Variants in SENP3 observed in about 807,000 individuals in gnomAD.
SENP3 encodes the protein sentrin-specific protease 3.
In SENP3, 11 loss-of-function variants were observed where a neutral mutation model predicts 66.2. The observed-to-expected ratio is 0.17, with a 90% CI of 0.10 to 0.28. SENP3 has a LOEUF of 0.28. Among genes scored for constraint, SENP3 ranks in the 10% least tolerant of loss-of-function variants. The pLI, the probability that SENP3 is intolerant of heterozygous loss-of-function variation, is 1.00. For missense variants in SENP3, 548 were observed against 743.7 expected (o/e 0.74, Z 3.06); for synonymous variants, 292 against 277.6 (o/e 1.05, Z -0.52).
At position 7,565,730 on chromosome 17, in the gene SENP3, A is replaced by G; in HGVS notation, c.1229A>G (p.Tyr410Cys). 1 of 1,614,036 alleles carries G rather than the reference A, an allele frequency of 6.2e-7. No homozygotes were observed. The highest frequency in any genetic ancestry group is 8.5e-7 in the Non-Finnish European group (1 of 1,179,888). Reference protein sequence around the residue: ...NWLNDQVMNMYGDLVMDTVPE... With the variant: ...NWLNDQVMNMCGDLVMDTVPE... ...TCTTCTCCCCAGGTGATGAACATGTATGGAGACCTGGTCATGGACACAGTC... is the reference window on the plus strand; with the variant it reads ...TCTTCTCCCCAGGTGATGAACATGTGTGGAGACCTGGTCATGGACACAGTC... Residue 410 changes from tyrosine (Y) to cysteine (C), a missense_variant, in exon 6 of 11, where the codon TAT (tyrosine) becomes TGT (cysteine). Physicochemically the swap from Tyr to Cys is radical, Grantham distance 194. Coordinates refer to ENST00000321337, the MANE Select transcript of SENP3 (RefSeq NM_015670.6).
intron 4 of SENP3, 126 bp from the exon 5 acceptor site, chr17:7,565,314 C>T (rs2071259082): frequency 8.5e-7 from 1 of 1,176,164 alleles, no homozygotes. Context: ...CGCAGGTCCT[C>T]AGAAGGACCC....
intron 2 of SENP3, among the ~76,000 whole-genome samples, 152 bp downstream of exon 2, chr17:7,563,943 A>T (rs1334877237): frequency 6.6e-6 from 1 of 152,162 alleles, no homozygotes; most frequent in African/African-American, 2.4e-5. Flanking sequence ...AAATGTCTCC[A>T]TTAAGCCCCA....
At position 7,567,054 on chromosome 17, in the gene SENP3, T is replaced by A. The variant is rs556473035; in HGVS notation, c.1341+50T>A. On this transcript the variant is annotated intron_variant, in intron 7 of 10. Transcript: ENST00000321337. ...TGTGTAATGCCTTGCCTCTAAAGAA[T>A]GAGAGTCTTGTTTTCTCTGAGCCCT... is the stretch of plus-strand genomic sequence containing the variant. 2.9e-5 allele frequency: 34 copies of A among 1,192,890 alleles called. No individual in the cohort carries two copies. In the East Asian group the frequency reaches 8.6e-4, roughly 30 times the overall value. The allele number at this position is 1,192,890 out of a possible 1,614,324, so 73.9% of individuals were successfully genotyped here.
chr17:7,571,280 G>A (rs929793239), intron 10 of SENP3, 93 bp from the exon 11 acceptor site: 18 of 953,038 alleles, frequency 1.9e-5, no homozygotes, highest in Non-Finnish European at 2.9e-5. Context: ...CTTTGGGGAT[G>A]TTCTCTGAAG....
chr17:7,566,932 T>C lies in SENP3; in HGVS notation c.1269T>C (p.His423=). The C allele has an allele frequency of 1.3e-6, 2 of 1,560,430 alleles. No homozygotes were observed. The highest frequency in any genetic ancestry group is 1.7e-6 in the Non-Finnish European group (2 of 1,150,544). The change falls in exon 7 of 11, where the codon CAT becomes CAC. Residue 423 remains histidine, a synonymous_variant. Transcript: ENST00000321337. ...LVMDTVPEKV[H]FFNSFFYDKL... is the part of the protein sequence containing the mutation. ...TTTTTGTGTCATTGGCACAGGTGCA[T>C]TTCTTCAATAGTTTCTTCTATGATA... is the stretch of plus-strand genomic sequence containing the variant.
At position 7,563,173 on chromosome 17, in the gene SENP3, C is replaced by T. The variant is rs2071235365; in HGVS notation, c.97C>T (p.Arg33Cys). ...CTCAAGTCCCAGGCGGGAGCGTCTT[C>T]GTTGGCCCCCACCTCCCAAACCCCG... ...AYSSPRRERL[R>C]WPPPPKPRLK... Residue 33 changes from arginine to cysteine, a missense_variant, in exon 2 of 11, where the codon CGT becomes TGT. Transcript: ENST00000321337. The T allele has an allele frequency of 6.4e-7, 1 of 1,561,812 alleles. No individual in the cohort carries two copies. Among genetic ancestry groups the T allele is most frequent in the Non-Finnish European group, 8.7e-7 (1 of 1,154,064 alleles).
intron 6 of SENP3, chr17:7,566,020 G>T: frequency 1.1e-5 from 4 of 375,786 alleles, no homozygotes; most frequent in Non-Finnish European, 1.9e-5. Flanking sequence ...TGTAACTATT[G>T]TAAAACAAGA....
rs960567103 is a variant in SENP3, at chr17:7,562,100, G to T, written c.-175G>T. On this transcript the variant is annotated 5_prime_UTR_variant, in exon 1 of 11. Coordinates refer to ENST00000321337, the MANE Select transcript of SENP3 (RefSeq NM_015670.6). This position sits in a 1 kb window ranked among gnomAD's most constrained non-coding sequence, Gnocchi z 5.0. ...GAGGCGGCGCGGCGGGGTGCTCGGC[G>T]GCGCGGCACGCGGCCCAGAAGCGTT... 1.3e-5 allele frequency: 5 copies of T among 399,126 alleles called. No homozygotes were observed. The highest frequency in any genetic ancestry group is 2.2e-5 in the Non-Finnish European group (5 of 226,574). The allele number at this position is 399,126 out of a possible 1,614,324, so 24.7% of individuals were successfully genotyped here. A position where few individuals can be genotyped will look rare whatever the true frequency, so the allele number is the denominator to read the frequency against.
At chr17:7,565,235 G>C (rs1034737578) in intron 4 of SENP3, 165 bp downstream of exon 4, 5 of 796,486 alleles carry the variant, frequency 6.3e-6, no homozygotes, top group Non-Finnish European at 9.9e-6. Context: ...TGATGGGAGA[G>C]TCTTTACCTG....
intron 7 of SENP3, among the ~76,000 whole-genome samples, chr17:7,567,952 C>G (rs1256518976): frequency 6.6e-6 from 1 of 151,742 alleles, no homozygotes; most frequent in Non-Finnish European, 1.5e-5. Context: ...AGGTGAGAAA[C>G]TTGAACTGGA....
chr17:7,569,828 G>A lies in SENP3; in HGVS notation c.1342-528G>A, dbSNP rs559896124. On this transcript the variant is annotated intron_variant, in intron 7 of 10. Coordinates refer to ENST00000321337, the MANE Select transcript of SENP3 (RefSeq NM_015670.6). ...TTAGGTTGAATGTTGAGAACTTCCC[G>A]GTAGGATTGTTATGAGCATTAACTG... Among the ~76,000 whole-genome samples the A allele has an allele frequency of 9.9e-5, 15 of 152,266 alleles. No individual in the cohort carries two copies. In the East Asian group the frequency reaches 2.3e-3, roughly 23 times the overall value.
At chr17:7,567,906 G>C (rs907713124) in intron 7 of SENP3, among the ~76,000 whole-genome samples, 1 of 152,104 alleles carries the variant, frequency 6.6e-6, no homozygotes, top group Non-Finnish European at 1.5e-5. Flanking sequence ...TTGAAAGGGG[G>C]GCAAGAATGG....
In SENP3 at chr17:7,565,003, C is replaced by G. The variant is rs780942865; in HGVS notation, c.1000C>G (p.Leu334Val). 18 of 1,613,774 alleles carry G rather than the reference C, an allele frequency of 1.1e-5. 1 individual carries two copies. The South Asian group carries it at 2.0e-4, about 18-fold the overall frequency. Residue 334 changes from leucine (L) to valine (V), a missense_variant, in exon 4 of 11, where the codon CTC becomes GTC. Coordinates refer to ENST00000321337, the MANE Select transcript of SENP3 (RefSeq NM_015670.6). ...FLQTYGSLIP[L>V]STDEVVEKLE... ...TCAAACGTATGGCAGCCTCATACCC[C>G]TCAGCACTGATGAGGTAGTAGAGAA...
chr17:7,563,088 T>G lies in SENP3; in HGVS notation c.12T>G (p.Thr4=), dbSNP rs563739392. The G allele has an allele frequency of 6.6e-7, 1 of 1,510,218 alleles. No individual in the cohort carries two copies. The highest frequency in any genetic ancestry group is 2.3e-5 in the East Asian group (1 of 43,206). 93.6% of individuals were successfully genotyped at this position (1,510,218 alleles called of 1,614,324 possible). A position where few individuals can be genotyped will look rare whatever the true frequency, so the allele number is the denominator to read the frequency against. The change falls in exon 2 of 11, where the codon ACT becomes ACG. Residue 4 remains threonine, a synonymous_variant. Transcript: ENST00000321337. Reference sequence around the variant, plus strand: ...CAGGGTACTGGAAGATGAAAGAGACTATACAAGGGACCGGGTCCTGGGGGC... The same window carrying G: ...CAGGGTACTGGAAGATGAAAGAGACGATACAAGGGACCGGGTCCTGGGGGC... MKE[T]IQGTGSWGPE...
Position 7,566,952 on chromosome 17 carries a change from A to G in SENP3, c.1289A>G (p.Tyr430Cys). 1 of 1,568,110 alleles carries G rather than the reference A, an allele frequency of 6.4e-7. No individual in the cohort carries two copies. The highest frequency in any genetic ancestry group is 8.7e-7 in the Non-Finnish European group (1 of 1,154,904). Residue 430 changes from tyrosine to cysteine, a missense_variant, in exon 7 of 11, where the codon TAT becomes TGT. By Grantham distance (194) the Tyr-to-Cys change is radical. This residue lies in a region of SENP3 where 72 missense variants were observed against 137.9 expected (regional missense o/e 0.52). Coordinates refer to ENST00000321337, the MANE Select transcript of SENP3 (RefSeq NM_015670.6). ...GTGCATTTCTTCAATAGTTTCTTCTATGATAAACTCCGTACCAAGGGTTAT... is the reference window on the plus strand; with the variant it reads ...GTGCATTTCTTCAATAGTTTCTTCTGTGATAAACTCCGTACCAAGGGTTAT... Reference protein sequence around the residue: ...EKVHFFNSFFYDKLRTKGYDG... With the variant: ...EKVHFFNSFFCDKLRTKGYDG...
At chr17:7,571,039 C>T (rs1401981338) in intron 10 of SENP3, 106 bp downstream of exon 10, 3 of 979,504 alleles carry the variant, frequency 3.1e-6, no homozygotes, top group African/African-American at 3.2e-5. Flanking sequence ...AGTTGTGGAG[C>T]AGGAAGTAAT....
intron 2 of SENP3, chr17:7,564,273 T>C (rs1480107509): frequency 2.4e-6 from 1 of 420,596 alleles, no homozygotes. Context: ...TCTAGGTCTT[T>C]ATTACATATT....
chr17:7,565,623 T>C (rs369203752), intron 5 of SENP3, 36 bp downstream of exon 5: 56 of 1,613,062 alleles, frequency 3.5e-5, no homozygotes, highest in Non-Finnish European at 4.7e-5. Context: ...TGAGAGGGGA[T>C]TCAGGGAGCA....
intron 10 of SENP3, among the ~76,000 whole-genome samples, chr17:7,571,145 T>C (rs1476258263): frequency 1.3e-5 from 2 of 152,212 alleles, no homozygotes; most frequent in African/African-American, 4.8e-5. Flanking sequence ...GCCTCTGGCC[T>C]TCATAGAGCT....
Sources: gnomAD v4.1 joint callset for allele counts (sites outside exome capture counted in the v4.1 genomes callset) on GRCh38, gnomAD v4.1.1 for gene constraint, gnomAD v4.1.1 regional missense constraint, Gnocchi (gnomAD v3.1) non-coding constraint, MANE v1.5 for transcripts, NCBI Gene and HGNC (gene_info 2026-07-23, HGNC 2026-07-21) for gene names.